Variants in LRRC4C observed in about 807,000 individuals in gnomAD.
LRRC4C encodes leucine-rich repeat-containing protein 4C.
A neutral mutation model predicts 33.6 loss-of-function variants in LRRC4C; 5 were observed. The ratio of observed to expected loss-of-function variants is 0.15; its 90% CI spans 0.08 to 0.31. The LOEUF (loss-of-function observed/expected upper bound fraction) is 0.31. Among genes scored for constraint, LRRC4C ranks in the 10% least tolerant of loss-of-function variants. LRRC4C has a pLI of 1.00. For synonymous variants in LRRC4C, 329 were observed against 302.0 expected (o/e 1.09, Z -0.93); for missense variants, 560 against 796.7 (o/e 0.70, Z 3.58).
rs33945657 is a variant in LRRC4C at position 41,372,785 on chromosome 11, C to CA, written c.-496+86645dup. 2.5e-3 allele frequency among the ~76,000 whole-genome samples: 297 copies of CA among 118,028 alleles called. 1 individual carries two copies. The highest frequency in any genetic ancestry group is 6.2e-3 in the African/African-American group (184 of 29,556). The allele number at this position is 118,028 out of a possible 152,430, so 77.4% of individuals were successfully genotyped here. ...GTATGGTTTGTTTGCAAGAGGGCACCAAAAAAAAAAAAAAAAAAGAGTAAC... is the reference window on the plus strand; with the variant it reads ...GTATGGTTTGTTTGCAAGAGGGCACCAAAAAAAAAAAAAAAAAAAGAGTAAC... On this transcript the variant is annotated intron_variant, in intron 1 of 6. Transcript: ENST00000528697.
intron 1 of LRRC4C, among the ~76,000 whole-genome samples, chr11:40,983,657 A>G (rs1852700206): frequency 6.6e-6 from 1 of 152,224 alleles, no homozygotes; most frequent in South Asian, 2.1e-4. Context: ...ACAAGAAAAA[A>G]CAACCCCATT....
intron 1 of LRRC4C, among the ~76,000 whole-genome samples, chr11:41,391,507 G>A (rs570379812): frequency 6.6e-6 from 1 of 152,086 alleles, no homozygotes; most frequent in South Asian, 2.1e-4. Context: ...GAGCATTCAT[G>A]TGCCAGGCAG....
chr11:41,231,124 G>A (rs1947772773), intron 1 of LRRC4C, among the ~76,000 whole-genome samples: 1 of 152,084 alleles, frequency 6.6e-6, no homozygotes, highest in African/African-American at 2.4e-5. Context: ...ACAGGTGCTG[G>A]AGAGGATGTG....
chr11:40,138,637 T>C (rs1269869566), intron 6 of LRRC4C, among the ~76,000 whole-genome samples: 1 of 152,224 alleles, frequency 6.6e-6, no homozygotes, highest in African/African-American at 2.4e-5. Context: ...TCCTTCCACA[T>C]GCTATCTGGC....
At chr11:40,739,774 C>T (rs985108232) in intron 2 of LRRC4C, among the ~76,000 whole-genome samples, 1 of 151,978 alleles carries the variant, frequency 6.6e-6, no homozygotes, top group African/African-American at 2.4e-5. Context: ...TCCTCTTCTG[C>T]CATCATTGTA....
At chr11:40,989,000 G>A (rs1438514708) in intron 1 of LRRC4C, among the ~76,000 whole-genome samples, 1 of 152,144 alleles carries the variant, frequency 6.6e-6, no homozygotes, top group Middle Eastern at 3.4e-3. Context: ...GATTACAGGC[G>A]TGAGCCACCG....
chr11:40,497,725 A>C (rs1954539640), intron 3 of LRRC4C, among the ~76,000 whole-genome samples: 1 of 152,152 alleles, frequency 6.6e-6, no homozygotes, highest in Non-Finnish European at 1.5e-5. Flanking sequence ...TGCTCTTAAC[A>C]CCTGGGATTA....
chr11:40,843,052 T>C (rs918741848), intron 2 of LRRC4C, among the ~76,000 whole-genome samples: 7 of 152,198 alleles, frequency 4.6e-5, no homozygotes, highest in Admixed American at 3.3e-4. Context: ...ATTGAGATTC[T>C]AATCTCTATT....
At chr11:41,347,514 T>A (rs1247695223) in intron 1 of LRRC4C, among the ~76,000 whole-genome samples, 1 of 152,120 alleles carries the variant, frequency 6.6e-6, no homozygotes, top group African/African-American at 2.4e-5. Context: ...ATTTCAAGGG[T>A]GAATTGCTTT....
At chr11:40,551,082 T>C (rs1348232871) in intron 3 of LRRC4C, among the ~76,000 whole-genome samples, 2 of 152,144 alleles carry the variant, frequency 1.3e-5, no homozygotes, top group Non-Finnish European at 2.9e-5. Flanking sequence ...CCCTTCAATC[T>C]ATCTCAGCCT....
chr11:41,361,733 A>G (rs1190463089), intron 1 of LRRC4C, among the ~76,000 whole-genome samples: 1 of 152,210 alleles, frequency 6.6e-6, no homozygotes, highest in Non-Finnish European at 1.5e-5. Context: ...TTACTGACTA[A>G]ACACATTTTT....
In LRRC4C at chr11:40,528,332, AAAC is replaced by A. The variant is rs377674774; in HGVS notation, c.-270+119807_-270+119809del. On this transcript the variant is annotated intron_variant, in intron 3 of 6. Transcript: ENST00000528697. Reference sequence around the variant, plus strand: ...TATGAATTCCTATAACTCGATAGCAAAACAACAACAAATAGCCTGATTTAAGAA... The same window carrying A: ...TATGAATTCCTATAACTCGATAGCAAAACAACAAATAGCCTGATTTAAGAA... 7.4e-3 allele frequency among the ~76,000 whole-genome samples: 1,120 copies of A among 152,256 alleles called. 15 individuals carry two copies. The highest frequency in any genetic ancestry group is 0.026 in the African/African-American group (1,078 of 41,554).
At chr11:41,065,084 G>GAGCCAGGGAGCCA (rs150796319) in intron 1 of LRRC4C, among the ~76,000 whole-genome samples, 1 of 48,538 alleles carries the variant, frequency 2.1e-5, no homozygotes, top group Non-Finnish European at 4.3e-5. Context: ...AAAGGGGGCT[G>GAGCCAGGGAGCCA]AGCCAGGGAG....
At chr11:40,421,377 T>C (rs1399334410) in intron 3 of LRRC4C, among the ~76,000 whole-genome samples, 3 of 152,184 alleles carry the variant, frequency 2.0e-5, no homozygotes, top group African/African-American at 7.2e-5. Context: ...AATGCCAGTC[T>C]GTCTGACAGC....
chr11:40,751,286 A>G (rs1948681754), intron 2 of LRRC4C, among the ~76,000 whole-genome samples: 1 of 152,130 alleles, frequency 6.6e-6, no homozygotes, highest in African/African-American at 2.4e-5. Flanking sequence ...GGCTAGAGAA[A>G]GAAACAGAAA....
At chr11:40,421,735 A>G (rs1565371545) in intron 3 of LRRC4C, among the ~76,000 whole-genome samples, 1 of 152,092 alleles carries the variant, frequency 6.6e-6, no homozygotes, top group Non-Finnish European at 1.5e-5. Context: ...CAGTCATTAT[A>G]TTTTCTGTCA....
chr11:41,337,576 T>C (rs532815992), intron 1 of LRRC4C, among the ~76,000 whole-genome samples: 1 of 152,134 alleles, frequency 6.6e-6, no homozygotes, highest in Non-Finnish European at 1.5e-5. Context: ...CCCCAAATCA[T>C]AAAAACCTTA....
At position 40,114,655 on chromosome 11, in the gene LRRC4C, A is replaced by G. The variant is rs373043990; in HGVS notation, c.1638T>C (p.Ile546=). The part of the protein sequence containing the change: ...ITLMAAVMLV[I]FYKMRKQHHR... Reference sequence around the variant, plus strand: ...GGTGCTGCTTCCTCATCTTGTAGAAAATGACCAGCATCACTGCAGCCATGA... The same window carrying G: ...GGTGCTGCTTCCTCATCTTGTAGAAGATGACCAGCATCACTGCAGCCATGA... Residue 546 remains isoleucine, a synonymous_variant, in exon 7 of 7, where the codon ATT becomes ATC. Coordinates refer to ENST00000528697, the MANE Select transcript of LRRC4C (RefSeq NM_001258419.2). 6.2e-7 allele frequency: 1 copy of G among 1,614,140 alleles called. No individual in the cohort carries two copies. The highest frequency in any genetic ancestry group is 8.5e-7 in the Non-Finnish European group (1 of 1,180,028).
chr11:40,586,830 C>T (rs1958775204), intron 3 of LRRC4C, among the ~76,000 whole-genome samples: 1 of 152,116 alleles, frequency 6.6e-6, no homozygotes, highest in South Asian at 2.1e-4. Context: ...TTCCATTGAT[C>T]TATATCTCTG....
Sources: gnomAD v4.1 joint callset for allele counts (sites outside exome capture counted in the v4.1 genomes callset) on GRCh38, gnomAD v4.1.1 for gene constraint, MANE v1.5 for transcripts, NCBI Gene and HGNC (gene_info 2026-07-23, HGNC 2026-07-21) for gene names.